RGS8: variants seen among roughly 807,000 people sequenced by gnomAD.
RGS8 encodes the protein regulator of G protein signaling 8, also known as regulator of G-protein signaling 8.
In RGS8, 8 loss-of-function variants were observed where a neutral mutation model predicts 21.7. That is an observed-to-expected ratio of 0.37 (90% CI 0.22 to 0.66). The LOEUF (loss-of-function observed/expected upper bound fraction) is 0.66. Among genes scored for constraint, RGS8 ranks in the 30% least tolerant of loss-of-function variants. RGS8 has a pLI of 0.59. For synonymous variants in RGS8, 80 were observed against 83.6 expected (o/e 0.96, Z 0.24); for missense variants, 157 against 217.9 (o/e 0.72, Z 1.76).
At chr1:182,691,024 C>T in the RGS8 span, among the ~76,000 whole-genome samples, 1 of 152,236 alleles carries the variant, frequency 6.6e-6, no homozygotes, top group African/African-American at 2.4e-5. Flanking sequence ...ATTGTACCAA[C>T]TCACAGCCAG....
exon 7 of RGS8, chr1:182,646,641 G>T: frequency 9.1e-7 from 1 of 1,094,832 alleles, no homozygotes; most frequent in Non-Finnish European, 1.3e-6. Context: ...CAATGCCACC[G>T]CTTTTGAACA....
At chr1:182,739,720 C>T in the RGS8 span, among the ~76,000 whole-genome samples, 5 of 152,042 alleles carry the variant, frequency 3.3e-5, no homozygotes, top group Non-Finnish European at 4.4e-5. Flanking sequence ...ACCTCTGCCT[C>T]TTCACACCTC....
chr1:182,701,891 C>G, the RGS8 span, among the ~76,000 whole-genome samples: 1 of 152,314 alleles, frequency 6.6e-6, no homozygotes, highest in Non-Finnish European at 1.5e-5. Context: ...GAAATACCAT[C>G]TCACACAAGT....
At chr1:182,724,637 A>C in the RGS8 span, among the ~76,000 whole-genome samples, 1 of 152,226 alleles carries the variant, frequency 6.6e-6, no homozygotes, top group South Asian at 2.1e-4. Context: ...GGCCCACTGC[A>C]ACCTCTGCCT....
At chr1:182,717,452 T>C in the RGS8 span, among the ~76,000 whole-genome samples, 1 of 152,226 alleles carries the variant, frequency 6.6e-6, no homozygotes, top group African/African-American at 2.4e-5. Context: ...ATTGTTGAGA[T>C]AAGATGACAC....
chr1:182,692,698 A>AT, the RGS8 span, among the ~76,000 whole-genome samples: 10 of 149,376 alleles, frequency 6.7e-5, no homozygotes, highest in Middle Eastern at 3.5e-3. Context: ...AAAAAAAAAA[A>AT]GCTGGAGGTA....
chr1:182,727,657 ATG>A, the RGS8 span, among the ~76,000 whole-genome samples: 1 of 152,132 alleles, frequency 6.6e-6, no homozygotes. Context: ...GATTAGAATT[ATG>A]TCATCTATTC....
At chr1:182,660,531 T>C (rs1432710698) in intron 5 of RGS8, among the ~76,000 whole-genome samples, 3 of 151,782 alleles carry the variant, frequency 2.0e-5, no homozygotes, top group Non-Finnish European at 4.4e-5. Flanking sequence ...CCTGAATATA[T>C]CCAGAAAGTA....
At chr1:182,674,009 T>C (rs1664276226), upstream of RGS8, among the ~76,000 whole-genome samples, 1 of 152,326 alleles carries the variant, frequency 6.6e-6, no homozygotes, top group Non-Finnish European at 1.5e-5. Context: ...CTTTTACAGA[T>C]GGAGAAACAG....
chr1:182,652,399 G>C (rs1232866937), intron 5 of RGS8, among the ~76,000 whole-genome samples: 1 of 152,212 alleles, frequency 6.6e-6, no homozygotes, highest in African/African-American at 2.4e-5. Flanking sequence ...TTGGGTCTTT[G>C]TGCGGATGAG....
At chr1:182,729,931 A>G in the RGS8 span, among the ~76,000 whole-genome samples, 4 of 152,208 alleles carry the variant, frequency 2.6e-5, no homozygotes, top group Admixed American at 6.5e-5. Context: ...TAAAAATAAC[A>G]TAGGCCACGC....
chr1:182,738,231 C>T, the RGS8 span, among the ~76,000 whole-genome samples: 2 of 152,272 alleles, frequency 1.3e-5, no homozygotes, highest in East Asian at 3.9e-4. Context: ...ATAACAAGAG[C>T]ACAAGCTATT....
intron 5 of RGS8, among the ~76,000 whole-genome samples, chr1:182,655,413 AAC>A (rs1389964774): frequency 6.6e-6 from 1 of 152,226 alleles, no homozygotes; most frequent in Admixed American, 6.5e-5. Flanking sequence ...AGCATATGTC[AAC>A]ATAGAAACAG....
At chr1:182,657,851 T>C (rs1394050540) in intron 5 of RGS8, among the ~76,000 whole-genome samples, 2 of 152,202 alleles carry the variant, frequency 1.3e-5, no homozygotes, top group Non-Finnish European at 2.9e-5. Context: ...CTTCAGTGGC[T>C]TAAGGAGTCA....
chr1:182,694,565 G>C, the RGS8 span, among the ~76,000 whole-genome samples: 3 of 152,196 alleles, frequency 2.0e-5, no homozygotes, highest in African/African-American at 7.2e-5. Context: ...CCAGCACTTT[G>C]GGAGGCCGAG....
intron 5 of RGS8, among the ~76,000 whole-genome samples, chr1:182,655,238 A>G (rs1215206079): frequency 6.6e-6 from 1 of 152,246 alleles, no homozygotes; most frequent in Admixed American, 6.5e-5. Flanking sequence ...TCTGTGTGAC[A>G]GTAACCTGAG....
chr1:182,654,369 A>G (rs1309811356), intron 5 of RGS8, among the ~76,000 whole-genome samples: 1 of 152,248 alleles, frequency 6.6e-6, no homozygotes, highest in Non-Finnish European at 1.5e-5. Flanking sequence ...AAGGCAAAGA[A>G]AAAAGGAAAG....
chr1:182,668,649 T>C (rs900908311), intron 3 of RGS8, among the ~76,000 whole-genome samples: 26 of 152,144 alleles, frequency 1.7e-4, no homozygotes, highest in African/African-American at 7.2e-5. Flanking sequence ...CTGCAAAAAA[T>C]TGGGCCTGCA....
chr1:182,689,929 A>G, the RGS8 span, among the ~76,000 whole-genome samples: 1 of 152,210 alleles, frequency 6.6e-6, no homozygotes, highest in African/African-American at 2.4e-5. Flanking sequence ...ATCTGTCTGG[A>G]GATCCTGTTC....
Sources: gnomAD v4.1 joint callset for allele counts (sites outside exome capture counted in the v4.1 genomes callset) on GRCh38, gnomAD v4.1.1 for gene constraint, MANE v1.5 for transcripts, NCBI Gene and HGNC (gene_info 2026-07-23, HGNC 2026-07-21) for gene names.